The following PIK3CB variants were observed in gnomAD, a reference collection of about 807,000 sequenced individuals.
The protein encoded by PIK3CB is phosphatidylinositol-4,5-bisphosphate 3-kinase catalytic subunit beta, also known as phosphatidylinositol 4,5-bisphosphate 3-kinase catalytic subunit beta isoform.
In PIK3CB, 39 loss-of-function variants were observed where a neutral mutation model predicts 136.8. The ratio of observed to expected loss-of-function variants is 0.29; its 90% confidence interval spans 0.22 to 0.37. PIK3CB has a LOEUF of 0.37. Among genes scored for constraint, PIK3CB ranks in the 10% least tolerant of loss-of-function variants. The probability of loss-of-function intolerance (pLI) is 1.00; values close to 1 mark genes in which losing one functional copy is unlikely to be tolerated. For missense variants in PIK3CB, 868 were observed against 1,275.4 expected (o/e 0.68, Z 4.87); for synonymous variants, 428 against 436.6 (o/e 0.98, Z 0.25).
chr3:138,737,254 A>G (rs1438810376), intron 6 of PIK3CB, among the ~76,000 whole-genome samples: 1 of 151,808 alleles, frequency 6.6e-6, no homozygotes, highest in Non-Finnish European at 1.5e-5. Context: ...GAAGCTGGGC[A>G]TGGTGGCGCA....
intron 8 of PIK3CB, among the ~76,000 whole-genome samples, chr3:138,719,672 C>A (rs571271134): frequency 6.6e-6 from 1 of 152,038 alleles, no homozygotes; most frequent in Non-Finnish European, 1.5e-5. Context: ...AAGAACCATA[C>A]AACAATTATT....
intron 16 of PIK3CB, among the ~76,000 whole-genome samples, chr3:138,685,350 A>G (rs1383167269): frequency 7.2e-6 from 1 of 139,150 alleles, no homozygotes; most frequent in African/African-American, 2.7e-5. Flanking sequence ...GCCAAGATTA[A>G]GCCACTGCAG....
chr3:138,726,082 C>T (rs761642406), intron 8 of PIK3CB, among the ~76,000 whole-genome samples: 2 of 152,200 alleles, frequency 1.3e-5, no homozygotes, highest in Non-Finnish European at 2.9e-5. Flanking sequence ...TTCAAGTCTT[C>T]TTGCAGGGCT....
At chr3:138,725,017 G>A (rs1340959007) in intron 8 of PIK3CB, among the ~76,000 whole-genome samples, 2 of 152,086 alleles carry the variant, frequency 1.3e-5, no homozygotes, top group Non-Finnish European at 2.9e-5. Flanking sequence ...AAGGTGTGGG[G>A]GTAGGGGGTG....
intron 2 of PIK3CB, among the ~76,000 whole-genome samples, chr3:138,772,651 T>C (rs1025580820): frequency 6.6e-6 from 1 of 150,474 alleles, no homozygotes; most frequent in Non-Finnish European, 1.5e-5. Context: ...TTTTTTTTTT[T>C]ACTAGAGACA....
intron 2 of PIK3CB, among the ~76,000 whole-genome samples, chr3:138,769,217 C>T (rs1276718539): frequency 6.6e-6 from 1 of 152,196 alleles, no homozygotes; most frequent in Non-Finnish European, 1.5e-5. Context: ...CTAGACGGTC[C>T]ACCGCTGCCA....
intron 1 of PIK3CB, among the ~76,000 whole-genome samples, chr3:138,816,346 C>T (rs1370873246): frequency 2.6e-5 from 4 of 152,262 alleles, no homozygotes; most frequent in Admixed American, 2.6e-4. Context: ...ATAATTCCAG[C>T]ACTTTGGGAG....
chr3:138,717,783 C>A (rs188596755), intron 8 of PIK3CB, among the ~76,000 whole-genome samples: 1 of 152,132 alleles, frequency 6.6e-6, no homozygotes, highest in Admixed American at 6.5e-5. Flanking sequence ...TGAGAACATG[C>A]GGCATTTGGT....
chr3:138,671,441 GA>G (rs1367144874), intron 19 of PIK3CB, among the ~76,000 whole-genome samples: 3 of 152,104 alleles, frequency 2.0e-5, no homozygotes, highest in African/African-American at 7.2e-5. Context: ...GGTTGTTGCA[GA>G]TACTAAATCA....
intron 4 of PIK3CB, among the ~76,000 whole-genome samples, chr3:138,745,760 C>G (rs1045053165): frequency 1.3e-4 from 20 of 152,278 alleles, no homozygotes; most frequent in Middle Eastern, 3.4e-3. Flanking sequence ...AGACTGGCAG[C>G]TGGTGTTTCT....
intron 19 of PIK3CB, among the ~76,000 whole-genome samples, chr3:138,680,191 C>T (rs1202154788): frequency 9.9e-5 from 15 of 151,892 alleles, no homozygotes; most frequent in Non-Finnish European, 2.2e-4. Flanking sequence ...AATCCCATCT[C>T]TACTAAAAAT....
At chr3:138,728,895 A>G in intron 8 of PIK3CB, among the ~76,000 whole-genome samples, 1 of 152,200 alleles carries the variant, frequency 6.6e-6, no homozygotes, top group East Asian at 1.9e-4. Context: ...TAGGAAGAGA[A>G]TTTCTTGAAT....
intron 4 of PIK3CB, among the ~76,000 whole-genome samples, chr3:138,754,359 G>A (rs1041350157): frequency 4.6e-5 from 7 of 151,944 alleles, no homozygotes; most frequent in South Asian, 2.1e-4. Flanking sequence ...GATCGCTTGC[G>A]ACTGAGGGTC....
intron 8 of PIK3CB, among the ~76,000 whole-genome samples, chr3:138,724,183 A>C (rs1179316174): frequency 2.0e-5 from 3 of 152,210 alleles, no homozygotes; most frequent in African/African-American, 7.2e-5. Context: ...TGATCAATCA[A>C]GGGTTCCCAC....
intron 1 of PIK3CB, among the ~76,000 whole-genome samples, chr3:138,811,671 G>A (rs1356148310): frequency 2.0e-5 from 3 of 152,010 alleles, no homozygotes; most frequent in South Asian, 2.1e-4. Flanking sequence ...TGATCCGCCC[G>A]CCTCGGCCTC....
chr3:138,654,474 C>T lies in PIK3CB; in HGVS notation c.*915G>A. On this transcript the variant is annotated 3_prime_UTR_variant, in exon 24 of 24. Transcript: ENST00000674063. ...TGAATTTCAGATCTGGAGTTTATTC[C>T]ATAAATAGGTTTCTTTTCATTTGCT... 4.4e-6 allele frequency: 1 copy of T among 227,240 alleles called. No homozygotes were observed. Among genetic ancestry groups the T allele is most frequent in the Non-Finnish European group, 8.7e-6 (1 of 114,468 alleles). The allele number at this position is 227,240 out of a possible 1,614,324, so 14.1% of individuals were successfully genotyped here.
At chr3:138,785,491 G>A (rs2045971910) in intron 2 of PIK3CB, among the ~76,000 whole-genome samples, 1 of 152,142 alleles carries the variant, frequency 6.6e-6, no homozygotes, top group Admixed American at 6.5e-5. Context: ...CTTCTGCCTT[G>A]GGATGCTGTT....
At chr3:138,801,197 A>C (rs1321861015) in intron 1 of PIK3CB, among the ~76,000 whole-genome samples, 1 of 152,162 alleles carries the variant, frequency 6.6e-6, no homozygotes, top group African/African-American at 2.4e-5. Context: ...AGCAAGTAGA[A>C]CAGGTACCCA....
intron 2 of PIK3CB, among the ~76,000 whole-genome samples, chr3:138,780,845 G>A (rs1390241454): frequency 6.6e-6 from 1 of 151,842 alleles, no homozygotes; most frequent in Non-Finnish European, 1.5e-5. Context: ...ATTTTGTGGG[G>A]TTTTTTTGTT....
Sources: gnomAD v4.1 joint callset for allele counts (sites outside exome capture counted in the v4.1 genomes callset) on GRCh38, gnomAD v4.1.1 for gene constraint, MANE v1.5 for transcripts, NCBI Gene and HGNC (gene_info 2026-07-23, HGNC 2026-07-21) for gene names.